PRELID2: variants seen among roughly 807,000 people sequenced by gnomAD.
PRELID2 encodes the protein PRELI domain-containing protein 2.
In PRELID2, 25 loss-of-function variants were observed where a neutral mutation model predicts 28.4. That is an observed-to-expected ratio of 0.88 (90% confidence interval 0.64 to 1.23). PRELID2 has a LOEUF of 1.23. PRELID2 is among the 50% of genes most tolerant of loss of function. The probability of loss-of-function intolerance (pLI) is 0.00; values close to 1 mark genes in which losing one functional copy is unlikely to be tolerated. For synonymous variants in PRELID2, 76 were observed against 71.6 expected (o/e 1.06, Z -0.31); for missense variants, 201 against 214.4 (o/e 0.94, Z 0.39).
At chr5:145,813,369 A>G (rs1754081845) in intron 4 of PRELID2, among the ~76,000 whole-genome samples, 2 of 152,306 alleles carry the variant, frequency 1.3e-5, no homozygotes, top group Admixed American at 1.3e-4. Flanking sequence ...ATCCATGTCA[A>G]GAGCTAAGGA....
At chr5:145,630,051 G>A (rs529112610) in intron 1 of PRELID2, among the ~76,000 whole-genome samples, 1 of 152,242 alleles carries the variant, frequency 6.6e-6, no homozygotes, top group South Asian at 2.1e-4. Flanking sequence ...AGGTCAAAGG[G>A]TAGACTTTTG....
the PRELID2 span, among the ~76,000 whole-genome samples, chr5:145,453,923 A>G: frequency 1.1e-4 from 17 of 152,166 alleles, no homozygotes; most frequent in Non-Finnish European, 2.9e-5. Flanking sequence ...TGCAATAAAC[A>G]TACGTGTGCA....
At chr5:145,699,038 T>G (rs1755347401) in intron 1 of PRELID2, among the ~76,000 whole-genome samples, 1 of 152,174 alleles carries the variant, frequency 6.6e-6, no homozygotes, top group Non-Finnish European at 1.5e-5. Context: ...GCCTCACCTC[T>G]TTATACCGTC....
At chr5:145,472,473 C>T (rs1752063692) in intron 2 of PRELID2, among the ~76,000 whole-genome samples, 1 of 152,116 alleles carries the variant, frequency 6.6e-6, no homozygotes, top group South Asian at 2.1e-4. Flanking sequence ...TTCTGACTCA[C>T]AGTTTATACT....
chr5:145,307,784 T>A, the PRELID2 span, among the ~76,000 whole-genome samples: 1 of 151,830 alleles, frequency 6.6e-6, no homozygotes, highest in Non-Finnish European at 1.5e-5. Flanking sequence ...AGCAAGACCA[T>A]TGGAGCAGGA....
intron 1 of PRELID2, among the ~76,000 whole-genome samples, chr5:145,516,390 A>C (rs1752517426): frequency 6.6e-6 from 1 of 152,166 alleles, no homozygotes; most frequent in South Asian, 2.1e-4. Flanking sequence ...ATTCACAATT[A>C]CTACAAAGGG....
At chr5:145,481,622 TCAAA>T (rs1561491374) in intron 1 of PRELID2, among the ~76,000 whole-genome samples, 3 of 2,254 alleles carry the variant, frequency 1.3e-3, no homozygotes, top group African/African-American at 2.6e-3. Context: ...AGCAAGGAAA[TCAAA>T]AAAAAAAAAA....
At chr5:145,602,863 C>A (rs774235186) in intron 1 of PRELID2, among the ~76,000 whole-genome samples, 6 of 151,938 alleles carry the variant, frequency 3.9e-5, no homozygotes, top group South Asian at 2.1e-4. Flanking sequence ...ATGAGCCTGG[C>A]CAACAAGGTG....
chr5:145,749,189 C>T (rs1757068456), intron 1 of PRELID2, among the ~76,000 whole-genome samples: 2 of 151,964 alleles, frequency 1.3e-5, no homozygotes, highest in Admixed American at 6.6e-5. Context: ...AGGCAACCTG[C>T]AAAATGGGAT....
At chr5:145,665,234 C>T (rs1238073877) in intron 1 of PRELID2, among the ~76,000 whole-genome samples, 1 of 152,092 alleles carries the variant, frequency 6.6e-6, no homozygotes, top group Non-Finnish European at 1.5e-5. Context: ...CCCATTATGG[C>T]ATCCATATCA....
chr5:145,372,062 C>A, the PRELID2 span, among the ~76,000 whole-genome samples: 1 of 151,842 alleles, frequency 6.6e-6, no homozygotes, highest in African/African-American at 2.4e-5. Context: ...GAGATCTTTC[C>A]AGTTTCTCAT....
At chr5:145,242,549 T>A in the PRELID2 span, among the ~76,000 whole-genome samples, 1 of 152,022 alleles carries the variant, frequency 6.6e-6, no homozygotes, top group Non-Finnish European at 1.5e-5. Flanking sequence ...CACTAAGTAA[T>A]CTGCAGACTT....
intron 1 of PRELID2, among the ~76,000 whole-genome samples, chr5:145,483,987 G>C (rs1401459488): frequency 1.3e-5 from 2 of 152,142 alleles, no homozygotes; most frequent in African/African-American, 4.8e-5. Flanking sequence ...ATTACTGAAG[G>C]TTGGCTACTC....
chr5:145,301,928 TTC>T, the PRELID2 span, among the ~76,000 whole-genome samples: 1 of 122,428 alleles, frequency 8.2e-6, no homozygotes, highest in South Asian at 3.4e-4. Context: ...CTTTATTCAT[TTC>T]TTTTTTTTTT....
At chr5:145,526,431 G>C (rs566142870) in intron 1 of PRELID2, among the ~76,000 whole-genome samples, 1 of 152,118 alleles carries the variant, frequency 6.6e-6, no homozygotes, top group Non-Finnish European at 1.5e-5. Context: ...AATGGCCCAG[G>C]GGAAAAAGAT....
At chr5:145,805,188 G>A (rs558024439) in intron 4 of PRELID2, among the ~76,000 whole-genome samples, 156 of 152,248 alleles carry the variant, frequency 1.0e-3, no homozygotes, top group Middle Eastern at 6.8e-3. Context: ...CATACTTACT[G>A]AAGTCTCCCC....
intron 1 of PRELID2, among the ~76,000 whole-genome samples, chr5:145,499,478 A>G (rs981817789): frequency 4.6e-5 from 7 of 152,212 alleles, no homozygotes; most frequent in African/African-American, 1.7e-4. Flanking sequence ...GTTTAAGAGA[A>G]GAGAAAGAAA....
At chr5:145,327,749 G>C in the PRELID2 span, among the ~76,000 whole-genome samples, 2 of 151,606 alleles carry the variant, frequency 1.3e-5, no homozygotes. Context: ...TGATGCCTTT[G>C]TCTTTACTTT....
chr5:145,677,250 G>T (rs1283863971), intron 1 of PRELID2, among the ~76,000 whole-genome samples: 1 of 150,742 alleles, frequency 6.6e-6, no homozygotes, highest in Non-Finnish European at 1.5e-5. Flanking sequence ...TGCCTCCTGG[G>T]TTCAAGCAAT....
Sources: gnomAD v4.1 joint callset for allele counts (sites outside exome capture counted in the v4.1 genomes callset) on GRCh38, gnomAD v4.1.1 for gene constraint, MANE v1.5 for transcripts, NCBI Gene and HGNC (gene_info 2026-07-23, HGNC 2026-07-21) for gene names.